ZBTB20: variants seen among roughly 807,000 people sequenced by gnomAD.
ZBTB20 encodes zinc finger and BTB domain containing 20, also known as zinc finger and BTB domain-containing protein 20.
ZBTB20 carries 9 observed loss-of-function variants against 56.9 expected under a neutral mutation model. That is an observed-to-expected ratio of 0.16 (90% CI 0.10 to 0.28). ZBTB20 has a LOEUF of 0.28. Among genes scored for constraint, ZBTB20 ranks in the 10% least tolerant of loss-of-function variants. The pLI, the probability that ZBTB20 is intolerant of heterozygous loss-of-function variation, is 1.00. For missense variants in ZBTB20, 655 were observed against 1,003.0 expected (o/e 0.65, Z 4.69); for synonymous variants, 417 against 420.7 (o/e 0.99, Z 0.11).
At chr3:115,007,683 A>G (rs2079534828) in intron 2 of ZBTB20, among the ~76,000 whole-genome samples, 1 of 151,822 alleles carries the variant, frequency 6.6e-6, no homozygotes, top group Non-Finnish European at 1.5e-5. Flanking sequence ...TATTATTTCT[A>G]GTCAAATCTT....
intron 6 of ZBTB20, among the ~76,000 whole-genome samples, chr3:114,648,318 C>T (rs2059956041): frequency 6.6e-6 from 1 of 151,842 alleles, no homozygotes; most frequent in East Asian, 1.9e-4. Flanking sequence ...CTGTGTAATA[C>T]ATTTTGCTAA....
rs376364938 is a variant in ZBTB20 at position 114,426,256 on chromosome 3, G to A, written c.-254-37151C>T. On this transcript the variant is annotated intron_variant, in intron 7 of 11. Coordinates refer to ENST00000675478, the MANE Select transcript of ZBTB20 (RefSeq NM_001348800.3). ...TGGGAGGCTGAGGCAGGAGAATGGCGTGAACCTGGAGGCGGAGCTTGTAGT... is the reference window on the plus strand; with the variant it reads ...TGGGAGGCTGAGGCAGGAGAATGGCATGAACCTGGAGGCGGAGCTTGTAGT... Among the ~76,000 whole-genome samples, 10 of 150,004 alleles carry A rather than the reference G, an allele frequency of 6.7e-5. 1 individual carries two copies. Among genetic ancestry groups the A allele is most frequent in the East Asian group, 5.9e-4 (3 of 5,088 alleles).
chr3:114,965,627 T>C (rs1222310086), intron 3 of ZBTB20, among the ~76,000 whole-genome samples: 1 of 152,166 alleles, frequency 6.6e-6, no homozygotes, highest in African/African-American at 2.4e-5. Context: ...TTTTTAAAGA[T>C]GACTTACATT....
intron 6 of ZBTB20, among the ~76,000 whole-genome samples, chr3:114,680,660 G>T (rs918568767): frequency 6.6e-6 from 1 of 152,112 alleles, no homozygotes; most frequent in Non-Finnish European, 1.5e-5. Flanking sequence ...ATTAAAAGCT[G>T]CTTTATGAAA....
At chr3:114,437,929 G>C (rs959860377) in intron 7 of ZBTB20, among the ~76,000 whole-genome samples, 6 of 152,044 alleles carry the variant, frequency 3.9e-5, no homozygotes, top group Non-Finnish European at 7.4e-5. Context: ...TCCATCTCTG[G>C]GGTCTGCTCC....
At chr3:114,426,508 G>T (rs2089687082) in intron 7 of ZBTB20, among the ~76,000 whole-genome samples, 1 of 151,958 alleles carries the variant, frequency 6.6e-6, no homozygotes, top group South Asian at 2.1e-4. Context: ...CTCCCTGTAG[G>T]TCTGCTTGTC....
At chr3:114,887,246 GT>G (rs974602664) in intron 4 of ZBTB20, among the ~76,000 whole-genome samples, 5 of 152,118 alleles carry the variant, frequency 3.3e-5, no homozygotes, top group African/African-American at 1.2e-4. Context: ...TTCAACATGA[GT>G]TTTGGAGGGG....
chr3:114,530,676 C>A (rs1490209633), intron 6 of ZBTB20, among the ~76,000 whole-genome samples: 1 of 152,170 alleles, frequency 6.6e-6, no homozygotes, highest in Non-Finnish European at 1.5e-5. Context: ...TCATTACCAC[C>A]TATGAAATTA....
intron 7 of ZBTB20, among the ~76,000 whole-genome samples, chr3:114,440,134 G>A (rs1372986223): frequency 6.6e-6 from 1 of 151,702 alleles, no homozygotes; most frequent in Non-Finnish European, 1.5e-5. Flanking sequence ...CACAATGGAT[G>A]CACACATAAA....
At chr3:114,458,314 C>A (rs1399417312) in intron 7 of ZBTB20, among the ~76,000 whole-genome samples, 3 of 152,144 alleles carry the variant, frequency 2.0e-5, no homozygotes, top group African/African-American at 7.2e-5. Context: ...TACACACAAA[C>A]ATATAGTTAT....
At chr3:114,495,628 G>T (rs2043207493) in intron 7 of ZBTB20, among the ~76,000 whole-genome samples, 1 of 152,080 alleles carries the variant, frequency 6.6e-6, no homozygotes, top group Admixed American at 6.5e-5. Context: ...CAACCAGAGG[G>T]AGGTAATATT....
At chr3:114,401,516 G>A (rs770018568) in intron 7 of ZBTB20, among the ~76,000 whole-genome samples, 8 of 152,076 alleles carry the variant, frequency 5.3e-5, no homozygotes, top group Non-Finnish European at 1.0e-4. Flanking sequence ...TCTTGGCCGA[G>A]ATCATTTCAT....
At chr3:114,433,445 A>G (rs1456539138) in intron 7 of ZBTB20, among the ~76,000 whole-genome samples, 1 of 152,230 alleles carries the variant, frequency 6.6e-6, no homozygotes, top group Non-Finnish European at 1.5e-5. Context: ...ACCTATAAGT[A>G]ATAAACTGGA....
intron 7 of ZBTB20, among the ~76,000 whole-genome samples, chr3:114,441,574 A>C (rs1041235578): frequency 6.6e-6 from 1 of 152,136 alleles, no homozygotes; most frequent in African/African-American, 2.4e-5. Flanking sequence ...CCTCATCTGC[A>C]GTTGCCACTC....
At chr3:115,126,357 A>T (rs1432075738) in intron 1 of ZBTB20, among the ~76,000 whole-genome samples, 1 of 152,188 alleles carries the variant, frequency 6.6e-6, no homozygotes, top group Non-Finnish European at 1.5e-5. Flanking sequence ...CAATCTCAGA[A>T]TATACCTAAA....
chr3:114,802,163 G>A (rs146793427), intron 4 of ZBTB20, among the ~76,000 whole-genome samples: 42 of 151,756 alleles, frequency 2.8e-4, no homozygotes, highest in South Asian at 1.2e-3. Flanking sequence ...AATATAATTC[G>A]CTTTCATTCA....
intron 6 of ZBTB20, among the ~76,000 whole-genome samples, chr3:114,516,341 C>T (rs2045991074): frequency 6.6e-6 from 1 of 152,160 alleles, no homozygotes; most frequent in Admixed American, 6.5e-5. Context: ...ATTCATGCCC[C>T]TTGTACTTTC....
At chr3:114,556,708 C>T (rs1184354020) in intron 6 of ZBTB20, among the ~76,000 whole-genome samples, 1 of 152,006 alleles carries the variant, frequency 6.6e-6, no homozygotes, top group East Asian at 1.9e-4. Context: ...CCTAACTATA[C>T]TTTTGGTATT....
intron 1 of ZBTB20, among the ~76,000 whole-genome samples, chr3:115,092,986 C>T (rs1375861773): frequency 6.6e-6 from 1 of 151,982 alleles, no homozygotes; most frequent in Non-Finnish European, 1.5e-5. Flanking sequence ...AGATTATCTA[C>T]ATATATAGCT....
Sources: gnomAD v4.1 joint callset for allele counts (sites outside exome capture counted in the v4.1 genomes callset) on GRCh38, gnomAD v4.1.1 for gene constraint, MANE v1.5 for transcripts, NCBI Gene and HGNC (gene_info 2026-07-23, HGNC 2026-07-21) for gene names.